FOXO3: variants seen among roughly 807,000 people sequenced by gnomAD.
FOXO3 encodes forkhead box O3.
Under a neutral mutation model 41.9 loss-of-function variants are expected in FOXO3, and 4 were observed. The observed-to-expected ratio is 0.10, with a 90% CI of 0.05 to 0.22. The LOEUF (loss-of-function observed/expected upper bound fraction) is 0.22, where lower values mean the gene tolerates loss of function less well. FOXO3 is among the 10% of genes least tolerant of loss of function. FOXO3 has a pLI of 1.00. For synonymous variants in FOXO3, 318 were observed against 389.3 expected (o/e 0.82, Z 2.16); for missense variants, 534 against 906.8 (o/e 0.59, Z 5.28).
chr6:108,597,424 C>T (rs144838094), intron 1 of FOXO3, among the ~76,000 whole-genome samples: 4 of 152,180 alleles, frequency 2.6e-5, no homozygotes, highest in African/African-American at 4.8e-5. Flanking sequence ...TGAGGATGCT[C>T]ATTTAAGAGA....
chr6:108,646,318 G>C (rs1413064642), intron 1 of FOXO3, among the ~76,000 whole-genome samples: 2 of 152,294 alleles, frequency 1.3e-5, no homozygotes, highest in East Asian at 3.9e-4. Context: ...TCTGGGCCCA[G>C]CTAAAAATTG....
intron 1 of FOXO3, among the ~76,000 whole-genome samples, chr6:108,563,016 T>C (rs1017675100): frequency 6.6e-6 from 1 of 152,200 alleles, no homozygotes; most frequent in Admixed American, 6.5e-5. Flanking sequence ...TTTTGTTTTA[T>C]GTAAAAGAAG....
At chr6:108,632,994 A>G (rs973678067) in intron 1 of FOXO3, among the ~76,000 whole-genome samples, 6 of 152,080 alleles carry the variant, frequency 3.9e-5, no homozygotes, top group African/African-American at 7.2e-5. Flanking sequence ...TCCATAAGCA[A>G]GTAAAAGTTC....
intron 1 of FOXO3, among the ~76,000 whole-genome samples, chr6:108,576,938 A>G (rs1334668713): frequency 6.6e-6 from 1 of 152,174 alleles, no homozygotes; most frequent in Non-Finnish European, 1.5e-5. Flanking sequence ...AGAGAAGAAA[A>G]TAACTTTATC....
intron 1 of FOXO3, among the ~76,000 whole-genome samples, chr6:108,611,074 A>G (rs918586045): frequency 6.7e-6 from 1 of 149,942 alleles, no homozygotes; most frequent in African/African-American, 2.5e-5. Flanking sequence ...TGCCTTTTCT[A>G]GAATTTCGTA....
chr6:108,565,490 C>T (rs1183055540), intron 1 of FOXO3, among the ~76,000 whole-genome samples: 1 of 152,210 alleles, frequency 6.6e-6, no homozygotes, highest in Non-Finnish European at 1.5e-5. Flanking sequence ...CCAGGGCTTA[C>T]CTGGTAAGGC....
chr6:108,642,161 T>G (rs571095995), intron 1 of FOXO3, among the ~76,000 whole-genome samples: 15 of 148,240 alleles, frequency 1.0e-4, no homozygotes, highest in African/African-American at 3.2e-4. Flanking sequence ...CGATCTCAAC[T>G]TGTTGCAACC....
At chr6:108,562,053 C>G (rs1293855218) in intron 1 of FOXO3, among the ~76,000 whole-genome samples, 4 of 151,902 alleles carry the variant, frequency 2.6e-5, no homozygotes, top group Non-Finnish European at 4.4e-5. Flanking sequence ...TGGGGCATGG[C>G]CAGGTGAGGA....
chr6:108,632,131 A>G (rs1245515624), intron 1 of FOXO3, among the ~76,000 whole-genome samples: 9 of 152,224 alleles, frequency 5.9e-5, no homozygotes, highest in Admixed American at 5.9e-4. Flanking sequence ...ACACCAGGGA[A>G]AACCTCCTTA....
intron 1 of FOXO3, among the ~76,000 whole-genome samples, chr6:108,582,355 TC>T (rs1463155811): frequency 6.6e-6 from 1 of 152,204 alleles, no homozygotes; most frequent in Non-Finnish European, 1.5e-5. Context: ...AGGCAGATTT[TC>T]ATCTGTGAAG....
At chr6:108,609,480 T>G (rs555711869) in intron 1 of FOXO3, among the ~76,000 whole-genome samples, 4 of 152,346 alleles carry the variant, frequency 2.6e-5, no homozygotes, top group Admixed American at 2.0e-4. Context: ...GCTCTTGATC[T>G]CTTTAGCTTT....
chr6:108,669,122 AAAAAAT>A (rs1182103786), intron 2 of FOXO3, among the ~76,000 whole-genome samples: 6 of 152,184 alleles, frequency 3.9e-5, no homozygotes, highest in African/African-American at 1.2e-4. Flanking sequence ...CAAAAAATAA[AAAAAAT>A]AAAAACTAAA....
intron 1 of FOXO3, among the ~76,000 whole-genome samples, chr6:108,654,671 C>G (rs1778636975): frequency 6.6e-6 from 1 of 150,976 alleles, no homozygotes; most frequent in African/African-American, 2.4e-5. Context: ...AACGGGAAAT[C>G]TTGTTTCTAA....
chr6:108,592,046 A>G (rs562261298), intron 1 of FOXO3, among the ~76,000 whole-genome samples: 1 of 152,330 alleles, frequency 6.6e-6, no homozygotes, highest in South Asian at 2.1e-4. Flanking sequence ...GTTTGATTCC[A>G]TTTCTGTGGA....
chr6:108,668,853 G>A (rs1295821070), intron 2 of FOXO3, among the ~76,000 whole-genome samples: 2 of 152,166 alleles, frequency 1.3e-5, no homozygotes, highest in African/African-American at 2.4e-5. Context: ...AAGACCGGGC[G>A]CAGTGGCTCA....
At chr6:108,642,982 A>G (rs1778299820) in intron 1 of FOXO3, among the ~76,000 whole-genome samples, 1 of 152,212 alleles carries the variant, frequency 6.6e-6, no homozygotes, top group South Asian at 2.1e-4. Context: ...GATTGAGCAC[A>G]TTTGCAAGAA....
At chr6:108,666,544 T>C (rs990111743) in intron 2 of FOXO3, among the ~76,000 whole-genome samples, 3 of 151,480 alleles carry the variant, frequency 2.0e-5, no homozygotes, top group Non-Finnish European at 2.9e-5. Context: ...GGGGTTTCAC[T>C]GTGTTCACCA....
At chr6:108,669,815 C>T (rs1483115508) in intron 2 of FOXO3, among the ~76,000 whole-genome samples, 1 of 152,176 alleles carries the variant, frequency 6.6e-6, no homozygotes, top group East Asian at 1.9e-4. Context: ...CCTGTTTTCA[C>T]CTCTGGCCAG....
At chr6:108,679,103 C>T (rs1203157262) in intron 2 of FOXO3, among the ~76,000 whole-genome samples, 3 of 151,840 alleles carry the variant, frequency 2.0e-5, no homozygotes, top group Non-Finnish European at 2.9e-5. Context: ...GATCTCCTGA[C>T]CTCGTGATCT....
Sources: allele counts gnomAD v4.1 joint callset (sites outside exome capture counted in the v4.1 genomes callset), GRCh38; gene constraint gnomAD v4.1.1; transcripts MANE v1.5; gene names NCBI Gene and HGNC (gene_info 2026-07-23, HGNC 2026-07-21).